CDK6: variants seen among roughly 807,000 people sequenced by gnomAD.
CDK6 encodes cyclin dependent kinase 6.
A neutral mutation model predicts 37.1 loss-of-function variants in CDK6; 6 were observed. The ratio of observed to expected loss-of-function variants is 0.16; its 90% CI spans 0.09 to 0.32. The LOEUF is 0.32. Among genes scored for constraint, CDK6 ranks in the 10% least tolerant of loss-of-function variants. The pLI, the probability that CDK6 is intolerant of heterozygous loss-of-function variation, is 1.00. For missense variants in CDK6, 224 were observed against 418.9 expected, an observed-to-expected ratio of 0.53 and a Z score of 4.06; for synonymous variants, 160 against 161.3, an observed-to-expected ratio of 0.99 and a Z score of 0.06.
chr7:92,655,331 C>T (rs1258832180), intron 5 of CDK6, among the ~76,000 whole-genome samples: 1 of 151,838 alleles, frequency 6.6e-6, no homozygotes, highest in African/African-American at 2.4e-5. Context: ...GAGGTAAATG[C>T]AAAAATAAGC....
At chr7:92,665,623 C>T (rs1205057894) in intron 5 of CDK6, among the ~76,000 whole-genome samples, 1 of 152,194 alleles carries the variant, frequency 6.6e-6, no homozygotes, top group African/African-American at 2.4e-5. Flanking sequence ...AAGACATGCA[C>T]CTCTTAATAA....
chr7:92,786,568 T>C (rs1349630710), intron 2 of CDK6, among the ~76,000 whole-genome samples: 1 of 151,552 alleles, frequency 6.6e-6, no homozygotes, highest in Non-Finnish European at 1.5e-5. Context: ...CACATCACTG[T>C]GGGAATACAA....
Position 92,618,068 on chromosome 7 carries a change from T to C in CDK6, c.834+4A>G. On this transcript the variant is annotated splice_donor_region_variant and intron_variant, in intron 7 of 7. Transcript: ENST00000424848. The stretch of plus-strand genomic sequence containing the variant: ...CAGACGAGCTTGACATCAGAAAAAC[T>C]TACCAGAAGTAGGTCTTTGCCTAGT... 6.2e-7 allele frequency: 1 copy of C among 1,613,884 alleles called. No individual in the cohort carries two copies. The highest frequency in any genetic ancestry group is 8.5e-7 in the Non-Finnish European group (1 of 1,179,864).
chr7:92,625,058 A>G (rs1009806693), intron 5 of CDK6, among the ~76,000 whole-genome samples: 2 of 151,992 alleles, frequency 1.3e-5, no homozygotes, highest in East Asian at 3.9e-4. Flanking sequence ...TTCTTCCTAT[A>G]TGATCTTAGG....
At chr7:92,702,220 CTTTTTTTTTTTTTTT>C (rs3066453) in intron 4 of CDK6, among the ~76,000 whole-genome samples, 5 of 44,960 alleles carry the variant, frequency 1.1e-4, no homozygotes, top group Non-Finnish European at 1.1e-4. Context: ...CAAGTATATT[CTTTTTTTTTTTTTTT>C]TTTTTTTTTT....
rs112462456 is a variant in CDK6 at position 92,649,996 on chromosome 7, A to G, written c.647+21430T>C. ...ACAATTGTACCAGAAGAAGTAAAAT[A>G]CAAATAGGACAGCATGTACCATTGC... On this transcript the variant is annotated intron_variant, in intron 5 of 7. Transcript: ENST00000424848. Among the ~76,000 whole-genome samples, 666 of 152,344 alleles carry G rather than the reference A, an allele frequency of 4.4e-3. 2 individuals carry two copies. The highest frequency in any genetic ancestry group is 7.3e-3 in the Non-Finnish European group (495 of 68,024).
intron 5 of CDK6, among the ~76,000 whole-genome samples, chr7:92,665,691 T>C (rs1796941239): frequency 6.6e-6 from 1 of 152,230 alleles, no homozygotes. Context: ...TCAAAGCTAT[T>C]AAATACATGT....
At chr7:92,816,111 G>A (rs1319405848) in intron 2 of CDK6, among the ~76,000 whole-genome samples, 1 of 152,042 alleles carries the variant, frequency 6.6e-6, no homozygotes, top group Non-Finnish European at 1.5e-5. Flanking sequence ...CTCTTTAAAG[G>A]AGTAGAACAA....
intron 3 of CDK6, among the ~76,000 whole-genome samples, chr7:92,732,942 C>T (rs928069673): frequency 2.0e-5 from 3 of 152,094 alleles, no homozygotes; most frequent in African/African-American, 7.2e-5. Context: ...CAATGAATAG[C>T]TGCATCAACT....
intron 2 of CDK6, among the ~76,000 whole-genome samples, chr7:92,825,295 A>T (rs1801280977): frequency 6.6e-6 from 1 of 152,160 alleles, no homozygotes; most frequent in South Asian, 2.1e-4. Context: ...AAAAAAATTA[A>T]ATTCTGAATT....
In CDK6 at chr7:92,606,299, G is replaced by A. The variant is rs778616371; in HGVS notation, c.*8841C>T. On this transcript the variant is annotated 3_prime_UTR_variant, in exon 8 of 8. Transcript: ENST00000424848. ...AAGATGCTAGAGGCATTTCTAATGGGTGCCATGAGCACAGTCTGTGCCCAG... is the reference window on the plus strand; with the variant it reads ...AAGATGCTAGAGGCATTTCTAATGGATGCCATGAGCACAGTCTGTGCCCAG... 2 of 233,224 alleles carry A rather than the reference G, an allele frequency of 8.6e-6. No homozygotes were observed. The highest frequency in any genetic ancestry group is 1.7e-5 in the Non-Finnish European group (2 of 117,974). The allele number at this position is 233,224 out of a possible 1,614,324, so 14.4% of individuals were successfully genotyped here.
chr7:92,614,302 T>G lies in CDK6; in HGVS notation c.*838A>C, dbSNP rs1022628139. The G allele has an allele frequency of 4.3e-6, 1 of 232,816 alleles. No homozygotes were observed. The highest frequency in any genetic ancestry group is 2.2e-5 in the African/African-American group (1 of 45,286). The allele number at this position is 232,816 out of a possible 1,614,324, so 14.4% of individuals were successfully genotyped here. A position where few individuals can be genotyped will look rare whatever the true frequency, so the allele number is the denominator to read the frequency against. On this transcript the variant is annotated 3_prime_UTR_variant, in exon 8 of 8. Transcript: ENST00000424848. The stretch of plus-strand genomic sequence containing the variant: ...ATCTGAGGTACACTCCCTAAACCTA[T>G]AGCAAGTAATAAAAAGCTTACAGGC...
At chr7:92,760,551 G>T (rs1330993056) in intron 3 of CDK6, among the ~76,000 whole-genome samples, 1 of 152,110 alleles carries the variant, frequency 6.6e-6, no homozygotes, top group Non-Finnish European at 1.5e-5. Flanking sequence ...CCTTTTGTTG[G>T]ATTATAAAAA....
intron 1 of CDK6, 30 bp downstream of exon 1, chr7:92,836,436 CCCCACCCCGCAG>C (rs1239233474): frequency 6.6e-6 from 1 of 151,568 alleles, no homozygotes; most frequent in African/African-American, 2.4e-5. Context: ...CCCCGGGACC[CCCCACCCCGCAG>C]CCCACCCACC....
chr7:92,605,287 T>G lies in CDK6; in HGVS notation c.*9853A>C, dbSNP rs1452313282. On this transcript the variant is annotated 3_prime_UTR_variant, in exon 8 of 8. Transcript: ENST00000424848. ...TCCAGTTTCCAAAGGATTATTGGTA[T>G]GCAACCCTCTGAATTTTCTGACATG... 1 of 233,368 alleles carries G rather than the reference T, an allele frequency of 4.3e-6. No homozygotes were observed. Among genetic ancestry groups the G allele is most frequent in the African/African-American group, 2.2e-5 (1 of 45,338 alleles). The allele number at this position is 233,368 out of a possible 1,614,324, so 14.5% of individuals were successfully genotyped here.
At chr7:92,749,263 C>G (rs1280424508) in intron 3 of CDK6, among the ~76,000 whole-genome samples, 3 of 151,202 alleles carry the variant, frequency 2.0e-5, no homozygotes, top group Non-Finnish European at 4.4e-5. Context: ...TTGCCTAGGC[C>G]CAGGAGTTTG....
chr7:92,724,140 C>T (rs755692029), intron 4 of CDK6, among the ~76,000 whole-genome samples: 1 of 152,108 alleles, frequency 6.6e-6, no homozygotes. Context: ...AAACAACATG[C>T]GCAACAACTT....
intron 4 of CDK6, among the ~76,000 whole-genome samples, chr7:92,711,350 CCAAA>C (rs1218608026): frequency 2.6e-5 from 4 of 151,862 alleles, no homozygotes; most frequent in African/African-American, 9.7e-5. Flanking sequence ...ACAAGAAATC[CCAAA>C]CAAACAGAAA....
In CDK6 at chr7:92,691,761, T is replaced by C. The variant is rs186129228; in HGVS notation, c.538-20226A>G. ...AAAGACTGAAGTATATATGGAGAAA[T>C]GTAAGACTTCAGATGTAAAGAATGC... On this transcript the variant is annotated intron_variant, in intron 4 of 7. Coordinates refer to ENST00000424848, the MANE Select transcript of CDK6 (RefSeq NM_001145306.2). Among the ~76,000 whole-genome samples, 12 of 152,250 alleles carry C rather than the reference T, an allele frequency of 7.9e-5. No homozygotes were observed. The East Asian group carries it at 2.3e-3, about 29-fold the overall frequency.
Sources: allele counts gnomAD v4.1 joint callset (sites outside exome capture counted in the v4.1 genomes callset), GRCh38; gene constraint gnomAD v4.1.1; transcripts MANE v1.5; gene names NCBI Gene and HGNC (gene_info 2026-07-23, HGNC 2026-07-21).